The following TMEM132B variants were observed in gnomAD, a reference collection of about 807,000 sequenced individuals.
TMEM132B encodes transmembrane protein 132B.
Under a neutral mutation model 90.8 loss-of-function variants are expected in TMEM132B, and 18 were observed. That is an observed-to-expected ratio of 0.20 (90% CI 0.14 to 0.29). The LOEUF is 0.29. Ranked by LOEUF, TMEM132B falls within the 10% of genes least tolerant of loss-of-function variation. TMEM132B has a pLI of 1.00. For missense variants in TMEM132B, 1,096 were observed against 1,326.8 expected (o/e 0.83, Z 2.70); for synonymous variants, 504 against 523.3 (o/e 0.96, Z 0.50).
chr12:125,550,104 T>G (rs1884185866), intron 4 of TMEM132B, among the ~76,000 whole-genome samples: 1 of 152,190 alleles, frequency 6.6e-6, no homozygotes, highest in Non-Finnish European at 1.5e-5. Flanking sequence ...TCTTCTTCTT[T>G]CTGTTCCTGC....
chr12:125,344,002 G>T (rs2136224692), intron 1 of TMEM132B, among the ~76,000 whole-genome samples: 1 of 152,318 alleles, frequency 6.6e-6, no homozygotes, highest in Middle Eastern at 3.4e-3. Context: ...TTAATTGATG[G>T]ACATTCATTC....
chr12:125,595,583 G>A (rs1885420540), intron 5 of TMEM132B, among the ~76,000 whole-genome samples: 4 of 152,116 alleles, frequency 2.6e-5, no homozygotes, highest in African/African-American at 7.2e-5. Context: ...TCAAAAAAAG[G>A]CAAAAATCGC....
chr12:125,560,573 A>C lies in TMEM132B; in HGVS notation c.1294-23278A>C, dbSNP rs566846587. Among the ~76,000 whole-genome samples the C allele has an allele frequency of 9.1e-4, 139 of 152,288 alleles. 1 individual carries two copies. The highest frequency in any genetic ancestry group is 3.1e-3 in the African/African-American group (127 of 41,556). On this transcript the variant is annotated intron_variant, in intron 4 of 8. Transcript: ENST00000682704. The stretch of plus-strand genomic sequence containing the variant: ...CGCGGTGGCTCACGCCTGTAATCCC[A>C]GCACTTTGGGAGGCCGAGGCGGGTG...
intron 2 of TMEM132B, among the ~76,000 whole-genome samples, chr12:125,354,642 C>T (rs906416491): frequency 3.9e-5 from 6 of 152,176 alleles, no homozygotes; most frequent in African/African-American, 1.4e-4. Flanking sequence ...ATTCATTATG[C>T]GTGTTTGTGG....
intron 1 of TMEM132B, among the ~76,000 whole-genome samples, chr12:125,240,294 C>G (rs1203339565): frequency 6.6e-6 from 1 of 152,166 alleles, no homozygotes; most frequent in Non-Finnish European, 1.5e-5. Context: ...GCCCAAGTCC[C>G]TGTCATTTCC....
At chr12:125,346,047 G>A (rs912699971) in intron 1 of TMEM132B, among the ~76,000 whole-genome samples, 1 of 152,148 alleles carries the variant, frequency 6.6e-6, no homozygotes, top group Non-Finnish European at 1.5e-5. Flanking sequence ...ACAGAATAAG[G>A]CTCTGGTAGC....
At chr12:125,292,420 A>AT (rs1049060669) in intron 1 of TMEM132B, among the ~76,000 whole-genome samples, 1 of 152,252 alleles carries the variant, frequency 6.6e-6, no homozygotes, top group Non-Finnish European at 1.5e-5. Context: ...GATTAAAAAA[A>AT]CATTTTGTAC....
chr12:125,471,166 G>A (rs1049360688), intron 3 of TMEM132B, among the ~76,000 whole-genome samples: 6 of 152,242 alleles, frequency 3.9e-5, no homozygotes, highest in African/African-American at 7.2e-5. Flanking sequence ...CACTTCAGGG[G>A]ATTTGCCGAG....
intron 1 of TMEM132B, among the ~76,000 whole-genome samples, chr12:125,289,966 C>T (rs1180312493): frequency 2.0e-5 from 3 of 152,182 alleles, no homozygotes; most frequent in African/African-American, 4.8e-5. Flanking sequence ...GCTCTTCAAT[C>T]CCCCAATTAT....
chr12:125,466,985 C>G (rs1322457976), intron 3 of TMEM132B, among the ~76,000 whole-genome samples: 1 of 152,198 alleles, frequency 6.6e-6, no homozygotes, highest in Non-Finnish European at 1.5e-5. Context: ...CGCGATGGAT[C>G]AAAGAAGACA....
In TMEM132B at chr12:125,508,936, A is replaced by T. The variant is rs540763608; in HGVS notation, c.1107-10503A>T. ...GTAGCTGGGATTACAGGTGTGCACC[A>T]CCACGCCTGGCTAATTTTTGTAGTT... On this transcript the variant is annotated intron_variant, in intron 3 of 8. Coordinates refer to ENST00000682704, the MANE Select transcript of TMEM132B (RefSeq NM_001366854.1). 9.2e-5 allele frequency among the ~76,000 whole-genome samples: 14 copies of T among 151,954 alleles called. No individual in the cohort carries two copies. In the South Asian group the frequency reaches 2.9e-3, roughly 32 times the overall value.
intron 3 of TMEM132B, among the ~76,000 whole-genome samples, chr12:125,497,944 G>A (rs1882601155): frequency 6.6e-6 from 1 of 152,156 alleles, no homozygotes; most frequent in South Asian, 2.1e-4. Flanking sequence ...AGCCATGCTT[G>A]ATCATGAGTT....
At chr12:125,261,344 G>A (rs939669510) in intron 1 of TMEM132B, among the ~76,000 whole-genome samples, 1 of 152,180 alleles carries the variant, frequency 6.6e-6, no homozygotes, top group Non-Finnish European at 1.5e-5. Context: ...GACCTGAAAT[G>A]TGCTATTATA....
chr12:125,383,483 G>A (rs941556570), intron 2 of TMEM132B, among the ~76,000 whole-genome samples: 2 of 152,064 alleles, frequency 1.3e-5, no homozygotes, highest in African/African-American at 4.8e-5. Flanking sequence ...TATTACAGTA[G>A]TGGGTTTACT....
At chr12:125,244,531 T>G (rs1477787514) in intron 1 of TMEM132B, among the ~76,000 whole-genome samples, 2 of 152,210 alleles carry the variant, frequency 1.3e-5, no homozygotes, top group African/African-American at 2.4e-5. Context: ...CCCAGTGTTC[T>G]CTGTTCAACA....
chr12:125,238,204 G>C (rs1400711649), intron 1 of TMEM132B, among the ~76,000 whole-genome samples: 1 of 151,118 alleles, frequency 6.6e-6, no homozygotes, highest in African/African-American at 2.4e-5. Flanking sequence ...TCAAGTGGTC[G>C]CCTCTGTTTG....
At chr12:125,556,631 A>G (rs1884394951) in intron 4 of TMEM132B, among the ~76,000 whole-genome samples, 1 of 152,204 alleles carries the variant, frequency 6.6e-6, no homozygotes, top group Non-Finnish European at 1.5e-5. Context: ...ATGTGACAAG[A>G]TATCTGGAGG....
intron 2 of TMEM132B, among the ~76,000 whole-genome samples, chr12:125,365,698 T>C (rs1272961767): frequency 2.6e-5 from 4 of 152,106 alleles, no homozygotes; most frequent in African/African-American, 4.8e-5. Context: ...TGGCAGTTTT[T>C]TTCTTTCAGC....
At chr12:125,449,384 A>G (rs1295090685) in intron 3 of TMEM132B, among the ~76,000 whole-genome samples, 3 of 152,222 alleles carry the variant, frequency 2.0e-5, no homozygotes, top group Admixed American at 6.5e-5. Context: ...AATTGCTTAT[A>G]ACATTCTCTT....
Sources: gnomAD v4.1 joint callset for allele counts (sites outside exome capture counted in the v4.1 genomes callset) on GRCh38, gnomAD v4.1.1 for gene constraint, MANE v1.5 for transcripts, NCBI Gene and HGNC (gene_info 2026-07-23, HGNC 2026-07-21) for gene names.